Variants in PARP10 observed in about 807,000 individuals in gnomAD.
PARP10 encodes the protein protein mono-ADP-ribosyltransferase PARP10.
In PARP10, 56 loss-of-function variants were observed where a neutral mutation model predicts 82.4. That is an observed-to-expected ratio of 0.68 (90% CI 0.55 to 0.85). The LOEUF (loss-of-function observed/expected upper bound fraction) is 0.85. Ranked by LOEUF, PARP10 falls within the 40% of genes least tolerant of loss-of-function variation. The probability of loss-of-function intolerance (pLI) is 0.00; values close to 1 mark genes in which losing one functional copy is unlikely to be tolerated. For synonymous variants in PARP10, 576 were observed against 601.1 expected (o/e 0.96, Z 0.61); for missense variants, 1,227 against 1,379.4 (o/e 0.89, Z 1.75).
rs560301018 is a variant in PARP10, at chr8:144,011,966, G to A, written c.-80+564C>T. Among the ~76,000 whole-genome samples, 237 of 152,244 alleles carry A rather than the reference G, an allele frequency of 1.6e-3. 1 individual carries two copies. Among genetic ancestry groups the A allele is most frequent in the Non-Finnish European group, 2.5e-3 (169 of 68,018 alleles). ...GGCATGTTCAAGATCACCAAGAAGGGGCATCCTGGCCAGGAAGGTGGAGTG... is the reference window on the plus strand; with the variant it reads ...GGCATGTTCAAGATCACCAAGAAGGAGCATCCTGGCCAGGAAGGTGGAGTG... On this transcript the variant is annotated intron_variant, in intron 1 of 3. Transcript: ENST00000530478. The surrounding 1 kb of genome is among the most constrained non-coding windows in gnomAD (Gnocchi z 4.5).
upstream of PARP10, chr8:143,991,319 T>C (rs1554750398): frequency 7.2e-7 from 1 of 1,390,066 alleles, no homozygotes; most frequent in Non-Finnish European, 9.8e-7. Flanking sequence ...TGCCCCCCTA[T>C]GCTCAGCCTC....
rs139166854 is a variant in PARP10 at position 143,983,332 on chromosome 8, G to A, written c.2257C>T (p.Arg753Cys). ...RRTLPAELRA[R>C]LERCHGVSVA... ...CTCACACCATGGCACCGCTCCAGGCGAGCACGCAGCTCTGCAGGCAGTGTG... is the reference window on the plus strand; with the variant it reads ...CTCACACCATGGCACCGCTCCAGGCAAGCACGCAGCTCTGCAGGCAGTGTG... Residue 753 changes from arginine to cysteine, a missense_variant, in exon 8 of 11, where the codon CGC becomes TGC. By Grantham distance (180) the Arg-to-Cys change is radical. Coordinates refer to ENST00000313028, the MANE Select transcript of PARP10 (RefSeq NM_032789.5). 2.2e-4 allele frequency: 357 copies of A among 1,610,858 alleles called. 2 individuals are homozygous for A. The African/African-American group carries it at 3.8e-3, about 17-fold the overall frequency.
Position 143,985,319 on chromosome 8 carries a change from C to T in PARP10, c.683G>A (p.Arg228Gln), listed in dbSNP as rs1833960998. Reference sequence around the variant, plus strand: ...CAACCGGTGCTCCTGCTGCAACACTCGTTCTGCCACTTGGAGGAAGGGAAA... The same window carrying T: ...CAACCGGTGCTCCTGCTGCAACACTTGTTCTGCCACTTGGAGGAAGGGAAA... ...ASFQQWQVAE[R>Q]VLQQEHRLQG... is the part of the protein sequence containing the mutation. The change falls in exon 5 of 11, where the codon CGA (arginine) becomes CAA (glutamine). Residue 228 changes from arginine to glutamine, a missense_variant. Coordinates refer to ENST00000313028, the MANE Select transcript of PARP10 (RefSeq NM_032789.5). The T allele has an allele frequency of 3.1e-6, 5 of 1,605,532 alleles. No homozygotes were observed. Among genetic ancestry groups the T allele is most frequent in the South Asian group, 1.1e-5 (1 of 90,286 alleles).
chr8:143,991,547 C>T, upstream of PARP10: 2 of 1,569,440 alleles, frequency 1.3e-6, no homozygotes, highest in South Asian at 2.2e-5. Flanking sequence ...CCCAGAGCCC[C>T]TTCCCCCCCA....
intron 9 of PARP10, 34 bp downstream of exon 9, chr8:143,982,898 G>A (rs782598050): frequency 8.7e-6 from 14 of 1,608,530 alleles, no homozygotes; most frequent in South Asian, 5.5e-5. Flanking sequence ...AGCCCAGGAC[G>A]CCATGAGGCC....
chr8:143,994,926 TTA>T (rs1421861388), upstream of PARP10, among the ~76,000 whole-genome samples: 8 of 150,908 alleles, frequency 5.3e-5, no homozygotes, highest in Non-Finnish European at 1.0e-4. Context: ...AATAAAGTGT[TTA>T]TGTGGCTAAC....
At chr8:144,006,054 C>T (rs1302315366) in intron 1 of PARP10, among the ~76,000 whole-genome samples, 5 of 152,194 alleles carry the variant, frequency 3.3e-5, no homozygotes, top group African/African-American at 1.2e-4. Flanking sequence ...TCCTAGGGCC[C>T]CCCTAACCCC....
chr8:144,001,552 C>A (rs1834202924), intron 1 of PARP10, among the ~76,000 whole-genome samples: 1 of 151,956 alleles, frequency 6.6e-6, no homozygotes, highest in Admixed American at 6.6e-5. Context: ...ACTAAAAATA[C>A]AAAACTAGCC....
chr8:143,991,739 GACAACC>G, upstream of PARP10: 1 of 1,613,846 alleles, frequency 6.2e-7, no homozygotes, highest in Non-Finnish European at 8.5e-7. Flanking sequence ...ATCCTACTAT[GACAACC>G]AGGACTTCCC....
rs1267771144 is a variant in PARP10 at position 143,984,758 on chromosome 8, C to T, written c.1244G>A (p.Gly415Asp). Residue 415 changes from glycine (G) to aspartate (D), a missense_variant, in exon 5 of 11, where the codon GGT (glycine) becomes GAT (aspartate). Transcript: ENST00000313028. ...AGACCCCATGGTGATCTCCATGGGA[C>T]CCACCAGCCCCTCTTGCTCTGGTGA... Reference protein sequence around the residue: ...MDSPEQEGLVGPMEITMGSLE... With the variant: ...MDSPEQEGLVDPMEITMGSLE... 4.3e-6 allele frequency: 7 copies of T among 1,613,300 alleles called. No individual in the cohort carries two copies. In the African/African-American group the frequency reaches 9.4e-5, roughly 22 times the overall value.
At position 143,977,474 on chromosome 8, in the gene PARP10, G is replaced by T; in HGVS notation, c.*10C>A. 1 of 1,533,278 alleles carries T rather than the reference G, an allele frequency of 6.5e-7. No homozygotes were observed. The allele number at this position is 1,533,278 out of a possible 1,614,324, so 95.0% of individuals were successfully genotyped here. A position where few individuals can be genotyped will look rare whatever the true frequency, so the allele number is the denominator to read the frequency against. On this transcript the variant is annotated 3_prime_UTR_variant, in exon 11 of 11. Transcript: ENST00000313028. ...CTGGGAAGCAGGAGGCCAGAGGGTG[G>T]CCCCTTCGGTTAAGTGTCTGGGGAG...
chr8:143,977,690 G>A lies in PARP10; in HGVS notation c.2872C>T (p.Arg958Cys), dbSNP rs1277159299. ...CGCAGAGGGGGCGCCCGCAGACCGC[G>A]GCGGCCCTGCCCGTAGTCGCCAGTC... ...VLTGDYGQGR[R>C]GLRAPPLRGP... Residue 958 changes from arginine to cysteine, a missense_variant, in exon 11 of 11, where the codon CGC (arginine) becomes TGC (cysteine). Coordinates refer to ENST00000313028, the MANE Select transcript of PARP10 (RefSeq NM_032789.5). 4 of 1,591,920 alleles carry A rather than the reference G, an allele frequency of 2.5e-6. No individual in the cohort carries two copies. Among genetic ancestry groups the A allele is most frequent in the Non-Finnish European group, 2.6e-6 (3 of 1,170,120 alleles).
At position 143,984,438 on chromosome 8, in the gene PARP10, G is replaced by C. The variant is rs782597976; in HGVS notation, c.1459-7C>G. 1 of 1,604,010 alleles carries C rather than the reference G, an allele frequency of 6.2e-7. No homozygotes were observed. Among genetic ancestry groups the C allele is most frequent in the Admixed American group, 1.7e-5 (1 of 59,442 alleles). On this transcript the variant is annotated splice_polypyrimidine_tract_variant and splice_region_variant and intron_variant, in intron 5 of 10. Coordinates refer to ENST00000313028, the MANE Select transcript of PARP10 (RefSeq NM_032789.5). ...AAGCCTGGGCTCCACAGAGCTGCAGGGCCATTGCAGAGATGGAGTTTGCAG... is the reference window on the plus strand; with the variant it reads ...AAGCCTGGGCTCCACAGAGCTGCAGCGCCATTGCAGAGATGGAGTTTGCAG...
upstream of PARP10, chr8:143,989,895 C>A (rs1440326230): frequency 1.3e-5 from 2 of 152,272 alleles, no homozygotes; most frequent in Non-Finnish European, 2.9e-5. The surrounding 1 kb of genome is among the most constrained non-coding windows in gnomAD (Gnocchi z 4.3). Flanking sequence ...TCAGCGCCCA[C>A]CGCCCGACCC....
chr8:143,985,039 T>A lies in PARP10; in HGVS notation c.963A>T (p.Thr321=), dbSNP rs1833951359. 1 of 1,613,750 alleles carries A rather than the reference T, an allele frequency of 6.2e-7. No individual in the cohort carries two copies. Among genetic ancestry groups the A allele is most frequent in the African/African-American group, 1.3e-5 (1 of 74,884 alleles). Residue 321 remains threonine (T), a synonymous_variant, in exon 5 of 11, where the codon ACA becomes ACT. Coordinates refer to ENST00000313028, the MANE Select transcript of PARP10 (RefSeq NM_032789.5). ...GPMVQGRGIM[T]TGSGQEPGQS... Reference sequence around the variant, plus strand: ...GCCCTGGTTCCTGGCCAGAGCCTGTTGTCATAATCCCTCTACCCTGCACCA... The same window carrying A: ...GCCCTGGTTCCTGGCCAGAGCCTGTAGTCATAATCCCTCTACCCTGCACCA...
At chr8:143,998,764 A>G (rs1834179435) in intron 1 of PARP10, among the ~76,000 whole-genome samples, 1 of 152,124 alleles carries the variant, frequency 6.6e-6, no homozygotes, top group South Asian at 2.1e-4. Flanking sequence ...AGCTTGGGCA[A>G]CATGGCAAAA....
chr8:143,986,104 G>T lies in PARP10; in HGVS notation c.132C>A (p.Ser44Arg). The T allele has an allele frequency of 6.2e-7, 1 of 1,614,074 alleles. No individual in the cohort carries two copies. The highest frequency in any genetic ancestry group is 8.5e-7 in the Non-Finnish European group (1 of 1,180,010). ...CGCCCCCACAGCCCAGTCTCTGCCA[G>T]CTCAACACAGGTCCCCCTCCAGAGC... ...RRRSGGGPVL[S>R]WQRLGCGGVL... Residue 44 changes from serine to arginine, a missense_variant, in exon 2 of 11, where the codon AGC (serine) becomes AGA (arginine). Ser to Arg is a moderately radical substitution (Grantham distance 110). Coordinates refer to ENST00000313028, the MANE Select transcript of PARP10 (RefSeq NM_032789.5).
chr8:143,980,222 A>AGGCAGGAG (rs1471187860), intron 9 of PARP10, among the ~76,000 whole-genome samples: 1 of 143,358 alleles, frequency 7.0e-6, no homozygotes, highest in Non-Finnish European at 1.5e-5. Flanking sequence ...CAGGAGGCTG[A>AGGCAGGAG]GGCAGGAGAA....
Position 143,985,310 on chromosome 8 carries a change from TG to T in PARP10, c.691del (p.Gln231SerfsTer11). ...QQWQVAERVL[Q>X]QEHRLQGSEL... Reference sequence around the variant, plus strand: ...TGAGCCCTGCAACCGGTGCTCCTGCTGCAACACTCGTTCTGCCACTTGGAGG... The same window carrying T: ...TGAGCCCTGCAACCGGTGCTCCTGCTCAACACTCGTTCTGCCACTTGGAGG... On this transcript the variant is annotated frameshift_variant, in exon 5 of 11. Coordinates refer to ENST00000313028, the MANE Select transcript of PARP10 (RefSeq NM_032789.5). LOFTEE classifies it high-confidence loss of function. The T allele has an allele frequency of 6.2e-7, 1 of 1,608,796 alleles. No homozygotes were observed. The highest frequency in any genetic ancestry group is 8.5e-7 in the Non-Finnish European group (1 of 1,177,154).
Sources: gnomAD v4.1 joint callset for allele counts (sites outside exome capture counted in the v4.1 genomes callset) on GRCh38, gnomAD v4.1.1 for gene constraint, Gnocchi (gnomAD v3.1) non-coding constraint, MANE v1.5 for transcripts, NCBI Gene and HGNC (gene_info 2026-07-23, HGNC 2026-07-21) for gene names.